BCL9L: variants seen among roughly 807,000 people sequenced by gnomAD.
BCL9L encodes BCL9 like.
Under a neutral mutation model 99.4 loss-of-function variants are expected in BCL9L, and 19 were observed. That is an observed-to-expected ratio of 0.19 (90% CI 0.13 to 0.28). The LOEUF (loss-of-function observed/expected upper bound fraction) is 0.28, where lower values mean the gene tolerates loss of function less well. Among genes scored for constraint, BCL9L ranks in the 10% least tolerant of loss-of-function variants. The pLI is 1.00. For missense variants in BCL9L, 2,023 were observed against 2,101.6 expected (o/e 0.96, Z 0.73); for synonymous variants, 900 against 854.8 (o/e 1.05, Z -0.92).
At chr11:118,911,133 T>G (rs1400102431) in intron 2 of BCL9L, 1 of 429,952 alleles carries the variant, frequency 2.3e-6, no homozygotes, top group East Asian at 7.2e-5. Flanking sequence ...AGCAACAGAC[T>G]TACACAAACA....
intron 3 of BCL9L, among the ~76,000 whole-genome samples, chr11:118,909,430 T>TC: frequency 6.6e-6 from 1 of 151,958 alleles, no homozygotes; most frequent in East Asian, 1.9e-4. Context: ...AGGATATTTA[T>TC]CCCCCCTCAT....
chr11:118,902,733 T>C lies in BCL9L; in HGVS notation c.1010A>G (p.Asn337Ser), dbSNP rs1940324593. Residue 337 changes from asparagine (N) to serine (S), a missense_variant, in exon 8 of 10, where the codon AAC becomes AGC. By Grantham distance (46) the Asn-to-Ser change is conservative. This residue lies in a region of BCL9L where 1,116 missense variants were observed against 1,194.6 expected (regional missense o/e 0.93). Coordinates refer to ENST00000683865, the MANE Select transcript of BCL9L (RefSeq NM_001378213.1). The surrounding 1 kb of genome is among the most constrained non-coding windows in gnomAD (Gnocchi z 7.8). ...ACCTGTGCTGGCAGCTCCCACCGAG[T>C]TGGGGGCCAGGTCCTGACTGCTGTC... ...PEDSSQDLAP[N>S]SVGAASTGGG... is the part of the protein sequence containing the mutation. 6.3e-7 allele frequency: 1 copy of C among 1,596,132 alleles called. No homozygotes were observed. Among genetic ancestry groups the C allele is most frequent in the Non-Finnish European group, 8.5e-7 (1 of 1,178,568 alleles).
rs764592463 is a variant in BCL9L at position 118,900,576 on chromosome 11, G to A, written c.3124+43C>T. ...CCCCAGCATGGACACACTGCTCAGC[G>A]CCTGCCTGCCTGCCTGCCTGCCTGC... On this transcript the variant is annotated intron_variant, in intron 8 of 9. Transcript: ENST00000683865. The surrounding 1 kb of genome is among the most constrained non-coding windows in gnomAD (Gnocchi z 5.3). The A allele has an allele frequency of 2.8e-5, 42 of 1,509,656 alleles. No homozygotes were observed. Among genetic ancestry groups the A allele is most frequent in the South Asian group, 1.3e-4 (10 of 77,456 alleles). The allele number at this position is 1,509,656 out of a possible 1,614,324, so 93.5% of individuals were successfully genotyped here.
intron 2 of BCL9L, among the ~76,000 whole-genome samples, chr11:118,912,468 T>C (rs1171221173): frequency 6.6e-6 from 1 of 151,934 alleles, no homozygotes; most frequent in Non-Finnish European, 1.5e-5. Flanking sequence ...ACAAAGGGCC[T>C]GAGATATCCA....
chr11:118,912,901 A>C (rs1260133423), intron 2 of BCL9L, among the ~76,000 whole-genome samples: 1 of 151,892 alleles, frequency 6.6e-6, no homozygotes, highest in Admixed American at 6.6e-5. Context: ...GCTCAGGGAG[A>C]TACAGCGCCC....
chr11:118,913,627 C>T (rs1480967130), intron 2 of BCL9L, among the ~76,000 whole-genome samples: 2 of 152,092 alleles, frequency 1.3e-5, no homozygotes, highest in Non-Finnish European at 2.9e-5. Flanking sequence ...AGGCAGGCGG[C>T]GGGCACTCTG....
chr11:118,902,652 G>T lies in BCL9L; in HGVS notation c.1091C>A (p.Pro364His), dbSNP rs761962455. ...GCTGGGGTCTCCTCCAGGAGGCAGAGGGTTGTTGGCGGTGGTAGCCGTCGG... is the reference window on the plus strand; with the variant it reads ...GCTGGGGTCTCCTCCAGGAGGCAGATGGTTGTTGGCGGTGGTAGCCGTCGG... Reference protein sequence around the residue: ...NTPTATTANNPLPPGGDPSSA... With the variant: ...NTPTATTANNHLPPGGDPSSA... Residue 364 changes from proline to histidine, a missense_variant, in exon 8 of 10, where the codon CCT (proline) becomes CAT (histidine). Pro to His is a moderately conservative substitution (Grantham distance 77). This residue lies in a region of BCL9L where 1,116 missense variants were observed against 1,194.6 expected (regional missense o/e 0.93). Transcript: ENST00000683865. The surrounding 1 kb of genome is among the most constrained non-coding windows in gnomAD (Gnocchi z 7.8). The T allele has an allele frequency of 6.3e-7, 1 of 1,599,744 alleles. No homozygotes were observed. Among genetic ancestry groups the T allele is most frequent in the Non-Finnish European group, 8.5e-7 (1 of 1,179,814 alleles).
chr11:118,900,473 TGTC>T lies in BCL9L; in HGVS notation c.3124+143_3124+145del. On this transcript the variant is annotated intron_variant, in intron 8 of 9. Transcript: ENST00000683865. This position sits in a 1 kb window ranked among gnomAD's most constrained non-coding sequence, Gnocchi z 5.3. ...GGTACCCCCTGAGAAAGCCCACAAA[TGTC>T]ATCATCTGCCCCATAAGCAGAGCCA... 1.1e-5 allele frequency: 15 copies of T among 1,396,808 alleles called. No individual in the cohort carries two copies. The highest frequency in any genetic ancestry group is 1.2e-5 in the Non-Finnish European group (13 of 1,064,120). The allele number at this position is 1,396,808 out of a possible 1,614,324, so 86.5% of individuals were successfully genotyped here.
chr11:118,918,731 A>T (rs1216068353), intron 2 of BCL9L, 95 bp downstream of exon 2: 1 of 152,084 alleles, frequency 6.6e-6, no homozygotes, highest in Non-Finnish European at 1.5e-5. Context: ...AAAAGACAAA[A>T]CGCCAAGCAG....
intron 2 of BCL9L, among the ~76,000 whole-genome samples, chr11:118,917,060 C>A (rs897320545): frequency 2.0e-5 from 3 of 152,154 alleles, no homozygotes; most frequent in Non-Finnish European, 4.4e-5. Flanking sequence ...GCTCCCTGGG[C>A]CTTCTCCAGG....
rs1273019229 is a variant in BCL9L, at chr11:118,925,807, G to A, written c.-700C>T. Among the ~76,000 whole-genome samples the A allele has an allele frequency of 6.6e-6, 1 of 150,390 alleles. No homozygotes were observed. The highest frequency in any genetic ancestry group is 1.5e-5 in the Non-Finnish European group (1 of 67,452). ...TCCGGGCGGCGGCGGTGGTGCAGCGGCCCCGGGTCCGGGGCATGTCCAGCC... is the reference window on the plus strand; with the variant it reads ...TCCGGGCGGCGGCGGTGGTGCAGCGACCCCGGGTCCGGGGCATGTCCAGCC... On this transcript the variant is annotated 5_prime_UTR_variant, in exon 1 of 10. Transcript: ENST00000683865. The surrounding 1 kb of genome is among the most constrained non-coding windows in gnomAD (Gnocchi z 6.4).
At chr11:118,918,163 T>C (rs1232783265) in intron 2 of BCL9L, among the ~76,000 whole-genome samples, 1 of 152,198 alleles carries the variant, frequency 6.6e-6, no homozygotes, top group Admixed American at 6.5e-5. Context: ...CCCAGCTTCC[T>C]CCAGCTTTCC....
chr11:118,923,521 G>A (rs1187867495), intron 1 of BCL9L, among the ~76,000 whole-genome samples: 1 of 152,150 alleles, frequency 6.6e-6, no homozygotes, highest in Non-Finnish European at 1.5e-5. Flanking sequence ...GGACCCTGTA[G>A]TATCTCTCCG....
Position 118,900,678 on chromosome 11 carries a change from T to C in BCL9L, c.3065A>G (p.Gln1022Arg). The change falls in exon 8 of 10, where the codon CAG (glutamine) becomes CGG (arginine). Residue 1022 changes from glutamine to arginine, a missense_variant. Gln to Arg is a conservative substitution (Grantham distance 43). Transcript: ENST00000683865. This position sits in a 1 kb window ranked among gnomAD's most constrained non-coding sequence, Gnocchi z 5.3. ...KTAMPSPGVS[Q>R]NKQPPLNMNS... ...CATGTTGAGAGGCGGCTGCTTGTTC[T>C]GGGAGACCCCCGGGCTGGGCATGGC... The C allele has an allele frequency of 1.2e-6, 2 of 1,613,658 alleles. No individual in the cohort carries two copies. Among genetic ancestry groups the C allele is most frequent in the Non-Finnish European group, 1.7e-6 (2 of 1,179,838 alleles).
At position 118,901,899 on chromosome 11, in the gene BCL9L, C is replaced by T; in HGVS notation, c.1844G>A (p.Gly615Glu). The T allele has an allele frequency of 6.2e-7, 1 of 1,613,856 alleles. No individual in the cohort carries two copies. Among genetic ancestry groups the T allele is most frequent in the Non-Finnish European group, 8.5e-7 (1 of 1,179,870 alleles). The change falls in exon 8 of 10, where the codon GGG (glycine) becomes GAG (glutamate). Residue 615 changes from glycine (G) to glutamate (E), a missense_variant. Physicochemically the swap from Gly to Glu is moderately conservative, Grantham distance 98 (BLOSUM62 -2). Around this residue, in one of 3 missense-constraint regions of BCL9L, gnomAD observed 1,116 missense variants for 1,194.6 expected, o/e 0.93. Coordinates refer to ENST00000683865, the MANE Select transcript of BCL9L (RefSeq NM_001378213.1). The surrounding 1 kb of genome is among the most constrained non-coding windows in gnomAD (Gnocchi z 6.6). ...CTCCATGGGCATACTCTGCATGCCC[C>T]CAAACCCAGGTACCCGTTGTATCTG... is the stretch of plus-strand genomic sequence containing the variant. Reference protein sequence around the residue: ...GNQIQRVPGFGGMQSMPMEVP... With the variant: ...GNQIQRVPGFEGMQSMPMEVP...
rs750121074 is a variant in BCL9L at position 118,908,295 on chromosome 11, G to C, written c.387C>G (p.Thr129=). The change falls in exon 4 of 10, where the codon ACC becomes ACG. Residue 129 remains threonine, a synonymous_variant. Transcript: ENST00000683865. ...CTTTGGCCTCTGAATCCAGGGATGG[G>C]GTCCCAGCCTCTCGCTGCTCTCCAG... The part of the protein sequence containing the change: ...VDSGEQREAG[T]PSLDSEAKEV... 6.4e-7 allele frequency: 1 copy of C among 1,563,218 alleles called. No individual in the cohort carries two copies. The highest frequency in any genetic ancestry group is 1.4e-5 in the African/African-American group (1 of 73,656).
chr11:118,908,803 A>C, intron 3 of BCL9L, 148 bp from the exon 4 acceptor site: 2 of 639,174 alleles, frequency 3.1e-6, no homozygotes, highest in Non-Finnish European at 5.3e-6. Context: ...GCTATTCTCT[A>C]CCTCCCTCCA....
chr11:118,908,737 T>C, intron 3 of BCL9L, 82 bp from the exon 4 acceptor site: 1 of 1,239,372 alleles, frequency 8.1e-7, no homozygotes, highest in Non-Finnish European at 1.1e-6. Context: ...CCATCCTGCC[T>C]CCCCTAACAA....
At position 118,903,099 on chromosome 11, in the gene BCL9L, G is replaced by A. The variant is rs1436581463; in HGVS notation, c.750-25C>T. The A allele has an allele frequency of 3.8e-6, 6 of 1,558,584 alleles. No homozygotes were observed. The Admixed American group carries it at 9.5e-5, about 25-fold the overall frequency. ...CCTGCACAGAGTGGGGGCACCGACA[G>A]CTCAGAGAGGTGAGCAGGAGGGAGC... On this transcript the variant is annotated intron_variant, in intron 6 of 9. Transcript: ENST00000683865. This position sits in a 1 kb window ranked among gnomAD's most constrained non-coding sequence, Gnocchi z 5.6.
Sources: gnomAD v4.1 joint callset for allele counts (sites outside exome capture counted in the v4.1 genomes callset) on GRCh38, gnomAD v4.1.1 for gene constraint, gnomAD v4.1.1 regional missense constraint, Gnocchi (gnomAD v3.1) non-coding constraint, MANE v1.5 for transcripts, NCBI Gene and HGNC (gene_info 2026-07-23, HGNC 2026-07-21) for gene names.